The following CGNL1 variants were observed in gnomAD, a reference collection of about 807,000 sequenced individuals.
CGNL1 encodes the protein cingulin like 1.
CGNL1 carries 132 observed loss-of-function variants against 141.2 expected under a neutral mutation model. That is an observed-to-expected ratio of 0.93 (90% CI 0.81 to 1.08). The LOEUF (loss-of-function observed/expected upper bound fraction) is 1.08, where lower values mean the gene tolerates loss of function less well. Among genes scored for constraint, CGNL1 ranks in the 50% least tolerant of loss-of-function variants. The pLI is 0.00. For synonymous variants in CGNL1, 690 were observed against 622.1 expected (o/e 1.11, Z -1.63); for missense variants, 1,870 against 1,588.6 (o/e 1.18, Z -3.01).
chr15:57,430,034 C>T (rs1277561326), intron 1 of CGNL1, among the ~76,000 whole-genome samples: 1 of 152,184 alleles, frequency 6.6e-6, no homozygotes, highest in East Asian at 1.9e-4. Flanking sequence ...TGGTCTGAGA[C>T]TCTTGGGCTC....
chr15:57,490,035 A>C (rs1004651684), intron 8 of CGNL1, among the ~76,000 whole-genome samples: 5 of 152,204 alleles, frequency 3.3e-5, no homozygotes, highest in African/African-American at 9.6e-5. Flanking sequence ...TAACTTGGTC[A>C]CCTGGAGAGA....
chr15:57,441,613 C>G (rs1420295098), intron 3 of CGNL1, among the ~76,000 whole-genome samples: 1 of 152,188 alleles, frequency 6.6e-6, no homozygotes, highest in African/African-American at 2.4e-5. Context: ...AAGTGATCCA[C>G]CAGCATCTGC....
At chr15:57,475,737 G>A (rs2063647254) in intron 8 of CGNL1, among the ~76,000 whole-genome samples, 2 of 152,054 alleles carry the variant, frequency 1.3e-5, no homozygotes, top group Admixed American at 1.3e-4. Flanking sequence ...GCTGTCCTGT[G>A]CTCTCTCACT....
At chr15:57,380,237 T>G (rs1171876764) in intron 1 of CGNL1, among the ~76,000 whole-genome samples, 1 of 152,174 alleles carries the variant, frequency 6.6e-6, no homozygotes, top group Admixed American at 6.5e-5. Flanking sequence ...TTTCACCATG[T>G]TGGCCAGGCT....
At chr15:57,468,269 C>T (rs1446433960) in intron 8 of CGNL1, among the ~76,000 whole-genome samples, 2 of 109,688 alleles carry the variant, frequency 1.8e-5, no homozygotes, top group Non-Finnish European at 3.3e-5. Context: ...GAGACAGAGT[C>T]TGGCTCTGTC....
At chr15:57,546,365 G>A (rs373625453) in intron 18 of CGNL1, 126 bp downstream of exon 18, 8 of 1,151,820 alleles carry the variant, frequency 6.9e-6, no homozygotes, top group East Asian at 2.6e-5. Context: ...TGGGGTTATC[G>A]TATCTTAGAG....
chr15:57,476,738 A>G (rs2063662273), intron 8 of CGNL1, among the ~76,000 whole-genome samples: 2 of 152,258 alleles, frequency 1.3e-5, no homozygotes, highest in Non-Finnish European at 2.9e-5. Flanking sequence ...AGGGAACAGA[A>G]CTTGTTTGAA....
At chr15:57,545,359 C>T (rs1386395066) in intron 16 of CGNL1, among the ~76,000 whole-genome samples, 1 of 152,262 alleles carries the variant, frequency 6.6e-6, no homozygotes, top group Non-Finnish European at 1.5e-5. Flanking sequence ...CGAGCCATGG[C>T]TCAGCCCCTT....
chr15:57,454,038 T>C (rs1469738782), intron 7 of CGNL1, among the ~76,000 whole-genome samples: 2 of 152,196 alleles, frequency 1.3e-5, no homozygotes, highest in African/African-American at 4.8e-5. Flanking sequence ...CTTCTCTAGA[T>C]TATTATCTTG....
At position 57,499,516 on chromosome 15, in the gene CGNL1, G is replaced by T. The variant is rs146891350; in HGVS notation, c.2404-17264G>T. Among the ~76,000 whole-genome samples, 405 of 152,250 alleles carry T rather than the reference G, an allele frequency of 2.7e-3. 1 individual carries two copies. Among genetic ancestry groups the T allele is most frequent in the African/African-American group, 9.4e-3 (389 of 41,522 alleles). ...GCCTCCCAAAGTGCTGGGATTACAGGCGTGAGCCACCGTACCTGGCCTACA... is the reference window on the plus strand; with the variant it reads ...GCCTCCCAAAGTGCTGGGATTACAGTCGTGAGCCACCGTACCTGGCCTACA... On this transcript the variant is annotated intron_variant, in intron 8 of 18. Transcript: ENST00000281282.
intron 1 of CGNL1, among the ~76,000 whole-genome samples, chr15:57,421,947 C>T (rs1331738551): frequency 6.6e-6 from 1 of 151,944 alleles, no homozygotes; most frequent in East Asian, 1.9e-4. Flanking sequence ...TAATGTCTCC[C>T]CTTTCGTTAT....
At chr15:57,520,330 A>G (rs7172031) in intron 10 of CGNL1, among the ~76,000 whole-genome samples, 63,309 of 152,168 alleles carry the variant, frequency 0.42, 13,241 homozygotes, top group South Asian at 0.45. Flanking sequence ...CTTGAAGCTG[A>G]CAACTCAAAG....
chr15:57,523,479 C>A lies in CGNL1; in HGVS notation c.2716-10C>A, dbSNP rs1163041351. 7 of 1,613,926 alleles carry A rather than the reference C, an allele frequency of 4.3e-6. No individual in the cohort carries two copies. In the South Asian group the frequency reaches 6.6e-5, roughly 15 times the overall value. On this transcript the variant is annotated splice_polypyrimidine_tract_variant and intron_variant, in intron 10 of 18. Coordinates refer to ENST00000281282, the MANE Select transcript of CGNL1 (RefSeq NM_032866.5). Reference sequence around the variant, plus strand: ...AGGTGACAGCACTGTCCTTTCCCTGCCATTTGCAGGGAAATCTGAGTCAGA... The same window carrying A: ...AGGTGACAGCACTGTCCTTTCCCTGACATTTGCAGGGAAATCTGAGTCAGA...
At chr15:57,494,663 T>G (rs2063912118) in intron 8 of CGNL1, among the ~76,000 whole-genome samples, 1 of 152,212 alleles carries the variant, frequency 6.6e-6, no homozygotes, top group Admixed American at 6.5e-5. Flanking sequence ...TCAGACTAAT[T>G]GCAAACTGGT....
chr15:57,485,605 GC>G (rs1382823329), intron 8 of CGNL1, among the ~76,000 whole-genome samples: 2 of 152,110 alleles, frequency 1.3e-5, no homozygotes, highest in Admixed American at 1.3e-4. Context: ...TGCCACAGAG[GC>G]TTTTTCCCAT....
intron 1 of CGNL1, among the ~76,000 whole-genome samples, chr15:57,412,039 A>T (rs1037798556): frequency 6.6e-6 from 1 of 152,230 alleles, no homozygotes; most frequent in Non-Finnish European, 1.5e-5. Flanking sequence ...TGACATTCGC[A>T]GGTTTCCTTT....
In CGNL1 at chr15:57,528,740, G is replaced by A. The variant is rs768745882; in HGVS notation, c.3126G>A (p.Leu1042=). The A allele has an allele frequency of 1.9e-6, 3 of 1,614,188 alleles. No homozygotes were observed. Among genetic ancestry groups the A allele is most frequent in the Non-Finnish European group, 2.5e-6 (3 of 1,180,030 alleles). ...AAAGGCAGCTTCTGGAGCAGACGCTGAAGGACCTGGAGTATGAGCTGGAAG... is the reference window on the plus strand; with the variant it reads ...AAAGGCAGCTTCTGGAGCAGACGCTAAAGGACCTGGAGTATGAGCTGGAAG... The part of the protein sequence containing the change: ...LTKRQLLEQT[L]KDLEYELEAK... Residue 1042 remains leucine (L), a synonymous_variant, in exon 13 of 19, where the codon CTG becomes CTA. Coordinates refer to ENST00000281282, the MANE Select transcript of CGNL1 (RefSeq NM_032866.5).
At chr15:57,535,863 T>C (rs2032230682) in intron 14 of CGNL1, among the ~76,000 whole-genome samples, 2 of 152,208 alleles carry the variant, frequency 1.3e-5, no homozygotes, top group Admixed American at 1.3e-4. Flanking sequence ...AGGAAGGCTG[T>C]GTAAGATGGT....
At position 57,545,710 on chromosome 15, in the gene CGNL1, C is replaced by T. The variant is rs1292717105; in HGVS notation, c.3609+10C>T. The T allele has an allele frequency of 2.5e-6, 4 of 1,601,498 alleles. No individual in the cohort carries two copies. The highest frequency in any genetic ancestry group is 3.4e-6 in the Non-Finnish European group (4 of 1,171,180). ...TGATCAGAAGGACCAGGTGGGGAGC[C>T]TCTGCGTGCATTTGCTCTTAGATGA... On this transcript the variant is annotated intron_variant, in intron 17 of 18. Coordinates refer to ENST00000281282, the MANE Select transcript of CGNL1 (RefSeq NM_032866.5).
Sources: allele counts gnomAD v4.1 joint callset (sites outside exome capture counted in the v4.1 genomes callset), GRCh38; gene constraint gnomAD v4.1.1; transcripts MANE v1.5; gene names NCBI Gene and HGNC (gene_info 2026-07-23, HGNC 2026-07-21).